Variants in SGIP1 observed in about 807,000 individuals in gnomAD.
SGIP1 encodes SH3GL interacting endocytic adaptor 1.
SGIP1 carries 38 observed loss-of-function variants against 107.5 expected under a neutral mutation model. The observed-to-expected ratio is 0.35, with a 90% CI of 0.27 to 0.46. SGIP1 has a LOEUF of 0.46. SGIP1 is among the 20% of genes least tolerant of loss of function. SGIP1 has a pLI of 1.00. For missense variants in SGIP1, 929 were observed against 1,019.5 expected, an observed-to-expected ratio of 0.91 and a Z score of 1.21; for synonymous variants, 365 against 366.1, an observed-to-expected ratio of 1.00 and a Z score of 0.03.
At chr1:66,586,091 A>G (rs2062572132) in intron 1 of SGIP1, among the ~76,000 whole-genome samples, 1 of 152,126 alleles carries the variant, frequency 6.6e-6, no homozygotes, top group Non-Finnish European at 1.5e-5. Context: ...ATCATTATAT[A>G]ATTTTGCTTT....
At chr1:66,573,372 C>G (rs1569707724) in intron 1 of SGIP1, among the ~76,000 whole-genome samples, 1 of 152,150 alleles carries the variant, frequency 6.6e-6, no homozygotes, top group Non-Finnish European at 1.5e-5. Flanking sequence ...GACTTAAAAA[C>G]AGAAATACCA....
chr1:66,638,620 A>G (rs2149451905), intron 4 of SGIP1, among the ~76,000 whole-genome samples: 1 of 152,294 alleles, frequency 6.6e-6, no homozygotes, highest in East Asian at 1.9e-4. Flanking sequence ...TTTCTTGTGC[A>G]TTATTCACCC....
chr1:66,598,064 G>A (rs1463526273), intron 1 of SGIP1, among the ~76,000 whole-genome samples: 4 of 152,190 alleles, frequency 2.6e-5, no homozygotes, highest in East Asian at 1.9e-4. Context: ...TTTTAAAAAG[G>A]CATTTGTCCC....
intron 21 of SGIP1, among the ~76,000 whole-genome samples, chr1:66,735,470 C>T (rs1572411262): frequency 1.3e-5 from 2 of 152,122 alleles, no homozygotes; most frequent in African/African-American, 2.4e-5. Context: ...GTTCCTTGGC[C>T]TCCCAAAGTG....
At chr1:66,596,696 G>A (rs1327429679) in intron 1 of SGIP1, among the ~76,000 whole-genome samples, 3 of 151,454 alleles carry the variant, frequency 2.0e-5, no homozygotes, top group African/African-American at 2.4e-5. Flanking sequence ...GCCACTCTAA[G>A]TATCAATGTC....
At chr1:66,581,645 C>T (rs2061839989) in intron 1 of SGIP1, among the ~76,000 whole-genome samples, 2 of 151,904 alleles carry the variant, frequency 1.3e-5, no homozygotes, top group South Asian at 4.2e-4. Flanking sequence ...AAATGCTTTG[C>T]CTGTCGCATC....
Position 66,741,295 on chromosome 1 carries a change from T to C in SGIP1, c.2323T>C (p.Phe775Leu). 6.3e-7 allele frequency: 1 copy of C among 1,596,904 alleles called. No homozygotes were observed. The highest frequency in any genetic ancestry group is 8.5e-7 in the Non-Finnish European group (1 of 1,172,512). The change falls in exon 24 of 25, where the codon TTT becomes CTT. Residue 775 changes from phenylalanine (F) to leucine (L), a missense_variant. Around this residue, in one of 2 missense-constraint regions of SGIP1, gnomAD observed 341 missense variants for 430.9 expected, o/e 0.79. Transcript: ENST00000371037. ...AGGGGTGGGTTCTTTGTTGGCAAGA[T>C]TTCAGTTATCTGAAGGCCCAAGCAA... ...NGGVGSLLARFQLSEGPSKPS... is the reference protein window; with the variant it reads ...NGGVGSLLARLQLSEGPSKPS...
rs1422168356 is a variant in SGIP1, at chr1:66,746,557, CAG to C, written c.*3465_*3466del. 6.6e-6 allele frequency: 1 copy of C among 152,102 alleles called. No homozygotes were observed. Among genetic ancestry groups the C allele is most frequent in the Non-Finnish European group, 1.5e-5 (1 of 67,958 alleles). 9.4% of individuals were successfully genotyped at this position (152,102 alleles called of 1,614,324 possible). A position where few individuals can be genotyped will look rare whatever the true frequency, so the allele number is the denominator to read the frequency against. ...TTGAATGATATACAATAAAAACTGA[CAG>C]AGTGTTTACCATGTACCAGTCACTA... On this transcript the variant is annotated 3_prime_UTR_variant, in exon 25 of 25. Transcript: ENST00000371037.
rs1197339481 is a variant in SGIP1, at chr1:66,750,036, G to GGTGTGTGTGT, written c.*6964_*6973dup. Among the ~76,000 whole-genome samples the GGTGTGTGTGT allele has an allele frequency of 1.7e-5, 2 of 119,172 alleles. No homozygotes were observed. The highest frequency in any genetic ancestry group is 1.7e-4 in the Admixed American group (2 of 11,606). The allele number at this position is 119,172 out of a possible 152,430, so 78.2% of individuals were successfully genotyped here. A position where few individuals can be genotyped will look rare whatever the true frequency, so the allele number is the denominator to read the frequency against. On this transcript the variant is annotated 3_prime_UTR_variant, in exon 25 of 25. Coordinates refer to ENST00000371037, the MANE Select transcript of SGIP1 (RefSeq NM_032291.4). ...CTCTCTTTCTCTGTGTGTGTGTGGG[G>GGTGTGTGTGT]GTGTGTGTGTGTGTGTGTGTGTGTG...
In SGIP1 at chr1:66,577,632, G is replaced by A. The variant is rs181026274; in HGVS notation, c.10+43264G>A. On this transcript the variant is annotated intron_variant, in intron 1 of 24. Transcript: ENST00000371037. ...TATTTATCCTATTTCTTTCTTGTAA[G>A]CATGATTCCAGGGATTTGTTTTTCT... Among the ~76,000 whole-genome samples, 15 of 152,204 alleles carry A rather than the reference G, an allele frequency of 9.9e-5. No individual in the cohort carries two copies. In the East Asian group the frequency reaches 2.9e-3, roughly 29 times the overall value.
At chr1:66,713,428 T>C (rs2093040296) in intron 18 of SGIP1, among the ~76,000 whole-genome samples, 1 of 152,104 alleles carries the variant, frequency 6.6e-6, no homozygotes, top group African/African-American at 2.4e-5. Context: ...ATACCTAACC[T>C]GTGTACACTC....
At chr1:66,643,743 T>C (rs756104132) in intron 7 of SGIP1, 24 bp downstream of exon 7, 1 of 1,560,298 alleles carries the variant, frequency 6.4e-7, no homozygotes, top group South Asian at 1.2e-5. Flanking sequence ...GTGTGTGTGT[T>C]AAGCTTTAGT....
intron 1 of SGIP1, among the ~76,000 whole-genome samples, chr1:66,586,088 T>C (rs563751176): frequency 1.3e-5 from 2 of 152,234 alleles, no homozygotes; most frequent in South Asian, 2.1e-4. Context: ...TTTATCATTA[T>C]ATAATTTTGC....
At chr1:66,573,273 G>C (rs995189462) in intron 1 of SGIP1, among the ~76,000 whole-genome samples, 7 of 152,138 alleles carry the variant, frequency 4.6e-5, no homozygotes. Context: ...ACAGATGTTA[G>C]TGAGGTTACA....
rs1233407294 is a variant in SGIP1 at position 66,673,477 on chromosome 1, G to A, written c.646+111G>A. 3.0e-5 allele frequency: 31 copies of A among 1,016,918 alleles called. 1 individual carries two copies. The highest frequency in any genetic ancestry group is 1.6e-4 in the Admixed American group (5 of 31,116). 63.0% of individuals were successfully genotyped at this position (1,016,918 alleles called of 1,614,324 possible). On this transcript the variant is annotated intron_variant, in intron 12 of 24. Coordinates refer to ENST00000371037, the MANE Select transcript of SGIP1 (RefSeq NM_032291.4). ...GGTATATTTTTAATATATTATTTTC[G>A]TGGGAAAGAAAAGTTTCAATCTAGG...
chr1:66,681,327 T>C (rs1245690876), intron 14 of SGIP1, among the ~76,000 whole-genome samples: 1 of 152,214 alleles, frequency 6.6e-6, no homozygotes, highest in African/African-American at 2.4e-5. Context: ...TGTGATCACT[T>C]CTTAAAATTA....
At chr1:66,613,606 A>C (rs1406959713) in intron 1 of SGIP1, among the ~76,000 whole-genome samples, 2 of 152,336 alleles carry the variant, frequency 1.3e-5, no homozygotes, top group East Asian at 1.9e-4. Flanking sequence ...CTGGGATTAC[A>C]GGCGTGAGCC....
chr1:66,664,246 C>CT (rs1338474747), intron 8 of SGIP1, among the ~76,000 whole-genome samples: 6 of 151,584 alleles, frequency 4.0e-5, no homozygotes, highest in East Asian at 1.9e-4. Context: ...TTTATGTGGC[C>CT]TTTTTTTTCT....
At chr1:66,738,714 G>A (rs148203659) in intron 21 of SGIP1, among the ~76,000 whole-genome samples, 2 of 152,288 alleles carry the variant, frequency 1.3e-5, no homozygotes, top group East Asian at 3.9e-4. Flanking sequence ...GCCAAAGCAA[G>A]GCCTTGAAAC....
Sources: gnomAD v4.1 joint callset for allele counts (sites outside exome capture counted in the v4.1 genomes callset) on GRCh38, gnomAD v4.1.1 for gene constraint, gnomAD v4.1.1 regional missense constraint, MANE v1.5 for transcripts, NCBI Gene and HGNC (gene_info 2026-07-23, HGNC 2026-07-21) for gene names.